SEMA5A: variants seen among roughly 807,000 people sequenced by gnomAD.
SEMA5A encodes semaphorin-5A.
Under a neutral mutation model 135.5 loss-of-function variants are expected in SEMA5A, and 55 were observed. That is an observed-to-expected ratio of 0.41 (90% CI 0.33 to 0.51). The LOEUF (loss-of-function observed/expected upper bound fraction) is 0.51. SEMA5A is among the 20% of genes least tolerant of loss of function. The probability of loss-of-function intolerance (pLI) is 0.37; values close to 1 mark genes in which losing one functional copy is unlikely to be tolerated. For synonymous variants in SEMA5A, 580 were observed against 546.5 expected, an observed-to-expected ratio of 1.06 and a Z score of -0.85; for missense variants, 1,290 against 1,419.9, an observed-to-expected ratio of 0.91 and a Z score of 1.47.
At chr5:9,230,166 T>C (rs111599232) in intron 6 of SEMA5A, among the ~76,000 whole-genome samples, 7 of 140,260 alleles carry the variant, frequency 5.0e-5, no homozygotes, top group African/African-American at 8.8e-5. Context: ...TTCTTTTTTT[T>C]TTTTTTTTTT....
chr5:9,108,607 G>A (rs867349177), intron 15 of SEMA5A, among the ~76,000 whole-genome samples: 1 of 152,262 alleles, frequency 6.6e-6, no homozygotes, highest in Middle Eastern at 3.4e-3. Context: ...AGAGTATACA[G>A]AAAATATCTA....
intron 1 of SEMA5A, among the ~76,000 whole-genome samples, chr5:9,456,216 C>T (rs1453737135): frequency 4.6e-5 from 7 of 152,154 alleles, no homozygotes; most frequent in Admixed American, 6.5e-5. Flanking sequence ...CTACACAGCT[C>T]GACCCAGAGC....
intron 3 of SEMA5A, among the ~76,000 whole-genome samples, chr5:9,341,197 C>T (rs1753635156): frequency 6.7e-6 from 1 of 149,082 alleles, no homozygotes; most frequent in African/African-American, 2.5e-5. Context: ...CAAACACACA[C>T]ACACACATAC....
At chr5:9,200,252 A>G (rs2150364793) in intron 9 of SEMA5A, among the ~76,000 whole-genome samples, 1 of 152,348 alleles carries the variant, frequency 6.6e-6, no homozygotes, top group South Asian at 2.1e-4. Context: ...AATTTGCAAC[A>G]CTAAACAAAT....
intron 15 of SEMA5A, among the ~76,000 whole-genome samples, chr5:9,116,719 A>G (rs1027564852): frequency 1.3e-5 from 2 of 152,248 alleles, no homozygotes; most frequent in African/African-American, 4.8e-5. Context: ...ACATGTATCA[A>G]TTATTTTGTA....
At chr5:9,170,586 G>A (rs1743863166) in intron 11 of SEMA5A, among the ~76,000 whole-genome samples, 1 of 152,050 alleles carries the variant, frequency 6.6e-6, no homozygotes, top group Admixed American at 6.5e-5. Flanking sequence ...GAGCCCTCAT[G>A]AATGGGATTC....
chr5:9,428,121 AC>A (rs1561245130), intron 2 of SEMA5A, among the ~76,000 whole-genome samples: 9 of 111,642 alleles, frequency 8.1e-5, no homozygotes, highest in African/African-American at 2.6e-4. Context: ...TATATATTCA[AC>A]TCTATCTATC....
At chr5:9,471,946 T>G (rs1166393442) in intron 1 of SEMA5A, among the ~76,000 whole-genome samples, 3 of 152,254 alleles carry the variant, frequency 2.0e-5, no homozygotes, top group Non-Finnish European at 4.4e-5. Context: ...GAAAAATGAT[T>G]GAATGCTTTA....
intron 2 of SEMA5A, among the ~76,000 whole-genome samples, chr5:9,429,059 G>A (rs1168244008): frequency 2.0e-5 from 3 of 152,218 alleles, no homozygotes; most frequent in East Asian, 3.8e-4. Context: ...GGAGTGTGGG[G>A]ACACAGAGGG....
chr5:9,077,024 T>C (rs549824182), intron 16 of SEMA5A, among the ~76,000 whole-genome samples: 2 of 152,292 alleles, frequency 1.3e-5, no homozygotes, highest in African/African-American at 2.4e-5. Context: ...GAAGTTATCA[T>C]ACAATCACCT....
chr5:9,488,384 TATAAG>T (rs1189863768), intron 1 of SEMA5A, among the ~76,000 whole-genome samples: 2 of 152,192 alleles, frequency 1.3e-5, no homozygotes, highest in African/African-American at 4.8e-5. Flanking sequence ...AAGAGACACT[TATAAG>T]ATGACTCCAG....
At position 9,295,468 on chromosome 5, in the gene SEMA5A, A is replaced by G. The variant is rs1751290584; in HGVS notation, c.270+22904T>C. On this transcript the variant is annotated intron_variant, in intron 5 of 22. Coordinates refer to ENST00000382496, the MANE Select transcript of SEMA5A (RefSeq NM_003966.3). ...CCAAATAATTCACACTGAATGTTTG[A>G]ATCTTAGGCTGGGCAGAATTTGATA... Among the ~76,000 whole-genome samples, 2 of 152,164 alleles carry G rather than the reference A, an allele frequency of 1.3e-5. 1 individual carries two copies. Among genetic ancestry groups the G allele is most frequent in the Admixed American group, 1.3e-4 (2 of 15,266 alleles).
intron 21 of SEMA5A, among the ~76,000 whole-genome samples, chr5:9,048,126 AGGCAGCAGACAGTCCTGGACCCT>A (rs1736370906): frequency 6.6e-6 from 1 of 152,220 alleles, no homozygotes; most frequent in Non-Finnish European, 1.5e-5. Context: ...TCCTGGACCC[AGGCAGCAGACAGTCCTGGACCCT>A]GGGTGTTGTC....
intron 1 of SEMA5A, among the ~76,000 whole-genome samples, chr5:9,531,803 TA>T (rs2126332001): frequency 6.6e-6 from 1 of 152,302 alleles, no homozygotes; most frequent in East Asian, 1.9e-4. Flanking sequence ...AAGTTTCTAG[TA>T]AATATCCTGC....
chr5:9,107,486 T>C (rs1739984821), intron 16 of SEMA5A, among the ~76,000 whole-genome samples: 1 of 152,156 alleles, frequency 6.6e-6, no homozygotes, highest in African/African-American at 2.4e-5. Flanking sequence ...CAATGTTCTA[T>C]ACCTTGGTGT....
intron 14 of SEMA5A, among the ~76,000 whole-genome samples, chr5:9,122,079 T>A (rs879630976): frequency 6.6e-6 from 1 of 152,138 alleles, no homozygotes; most frequent in Non-Finnish European, 1.5e-5. Context: ...GTGTTATAGG[T>A]GCAGGGGATG....
intron 1 of SEMA5A, among the ~76,000 whole-genome samples, chr5:9,522,354 G>A (rs1194512399): frequency 6.6e-6 from 1 of 152,104 alleles, no homozygotes; most frequent in Non-Finnish European, 1.5e-5. Context: ...AGGCTAAGAT[G>A]GGCAGATCAC....
At position 9,209,378 on chromosome 5, in the gene SEMA5A, G is replaced by A. The variant is rs79477150; in HGVS notation, c.647-7138C>T. ...TTGTCAAAACACAAAATTTCTATTC[G>A]CCATGTTCATTTTTCTCTGATGATA... On this transcript the variant is annotated intron_variant, in intron 8 of 22. Coordinates refer to ENST00000382496, the MANE Select transcript of SEMA5A (RefSeq NM_003966.3). Among the ~76,000 whole-genome samples, 21 of 152,012 alleles carry A rather than the reference G, an allele frequency of 1.4e-4. No individual in the cohort carries two copies. In the East Asian group the frequency reaches 1.5e-3, roughly 11 times the overall value.
intron 5 of SEMA5A, among the ~76,000 whole-genome samples, chr5:9,292,494 T>C (rs1379183419): frequency 3.9e-5 from 6 of 152,200 alleles, no homozygotes; most frequent in African/African-American, 1.4e-4. Context: ...TTCATTACTG[T>C]CTTCAGTTAT....
Sources: gnomAD v4.1 joint callset for allele counts (sites outside exome capture counted in the v4.1 genomes callset) on GRCh38, gnomAD v4.1.1 for gene constraint, MANE v1.5 for transcripts, NCBI Gene and HGNC (gene_info 2026-07-23, HGNC 2026-07-21) for gene names.